The following CLVS1 variants were observed in gnomAD, a reference collection of about 807,000 sequenced individuals.
The protein encoded by CLVS1 is clavesin-1.
CLVS1 carries 10 observed loss-of-function variants against 33.1 expected under a neutral mutation model. The observed-to-expected ratio is 0.30, with a 90% CI of 0.19 to 0.51. The LOEUF (loss-of-function observed/expected upper bound fraction) is 0.51. CLVS1 is among the 20% of genes least tolerant of loss of function. The pLI, the probability that CLVS1 is intolerant of heterozygous loss-of-function variation, is 0.97. For synonymous variants in CLVS1, 163 were observed against 166.1 expected, an observed-to-expected ratio of 0.98 and a Z score of 0.14; for missense variants, 343 against 433.4, an observed-to-expected ratio of 0.79 and a Z score of 1.85.
intron 2 of CLVS1, among the ~76,000 whole-genome samples, chr8:61,188,186 C>T (rs988058725): frequency 6.6e-6 from 1 of 152,098 alleles, no homozygotes; most frequent in African/African-American, 2.4e-5. Flanking sequence ...GTAGACTAAA[C>T]CTCTCATGGC....
intron 2 of CLVS1, among the ~76,000 whole-genome samples, chr8:61,232,032 T>TTG (rs1808451496): frequency 1.4e-5 from 1 of 70,938 alleles, no homozygotes; most frequent in Admixed American, 1.5e-4. Context: ...GGTTTTTTTT[T>TTG]TTTTTTTTTT....
At chr8:61,486,832 A>C (rs980969755) in intron 5 of CLVS1, among the ~76,000 whole-genome samples, 2 of 152,086 alleles carry the variant, frequency 1.3e-5, no homozygotes, top group Admixed American at 1.3e-4. Context: ...CTATGTGTTC[A>C]TTGTCTCTAT....
chr8:61,162,004 AACG>A (rs769736155), intron 2 of CLVS1, among the ~76,000 whole-genome samples: 59,981 of 151,406 alleles, frequency 0.4, 14,770 homozygotes, highest in Middle Eastern at 0.64. Context: ...AAAAAAAAAA[AACG>A]TAGTGTTGAT....
At chr8:61,100,933 T>C (rs920342307) in intron 1 of CLVS1, among the ~76,000 whole-genome samples, 1 of 152,232 alleles carries the variant, frequency 6.6e-6, no homozygotes, top group Non-Finnish European at 1.5e-5. Context: ...TGAATAATAC[T>C]CTATTGTATG....
At chr8:61,362,294 G>A (rs1813017887) in intron 2 of CLVS1, among the ~76,000 whole-genome samples, 1 of 152,204 alleles carries the variant, frequency 6.6e-6, no homozygotes, top group Admixed American at 6.5e-5. Context: ...AATGTTCTAG[G>A]TAGGGAAGAA....
chr8:61,226,658 A>G (rs367873449), intron 2 of CLVS1, among the ~76,000 whole-genome samples: 5 of 152,238 alleles, frequency 3.3e-5, no homozygotes, highest in East Asian at 3.8e-4. Flanking sequence ...GAGTGAATGA[A>G]GAATAATCTT....
chr8:61,178,004 T>C lies in CLVS1; in HGVS notation c.-152+46144T>C, dbSNP rs566337640. On this transcript the variant is annotated intron_variant, in intron 2 of 2. Coordinates refer to the CLVS1 transcript ENST00000522621. ...CTGTATGGAGAATGAGATGGACGAATTGACAGAAGTAGGCTTCAGAAGGTG... is the reference window on the plus strand; with the variant it reads ...CTGTATGGAGAATGAGATGGACGAACTGACAGAAGTAGGCTTCAGAAGGTG... Among the ~76,000 whole-genome samples the C allele has an allele frequency of 2.6e-5, 4 of 152,214 alleles. No individual in the cohort carries two copies. The South Asian group carries it at 8.3e-4, about 32-fold the overall frequency.
At chr8:61,409,753 G>T (rs1275893189) in intron 3 of CLVS1, among the ~76,000 whole-genome samples, 1 of 152,144 alleles carries the variant, frequency 6.6e-6, no homozygotes, top group Admixed American at 6.5e-5. Context: ...ATCCTCTACT[G>T]CCAATCATGT....
At chr8:61,434,068 T>C (rs73685026) in intron 3 of CLVS1, among the ~76,000 whole-genome samples, 3,645 of 152,114 alleles carry the variant, frequency 0.024, 128 homozygotes, top group African/African-American at 0.082. Context: ...CTGCAGGACA[T>C]GAAGCTGAAG....
chr8:61,165,228 G>A (rs910499373), intron 2 of CLVS1, among the ~76,000 whole-genome samples: 1 of 152,218 alleles, frequency 6.6e-6, no homozygotes, highest in East Asian at 1.9e-4. Flanking sequence ...GGAAGTCAGC[G>A]GCGGGTCTGC....
At chr8:61,436,317 C>T (rs1362773691) in intron 3 of CLVS1, among the ~76,000 whole-genome samples, 1 of 152,210 alleles carries the variant, frequency 6.6e-6, no homozygotes, top group Non-Finnish European at 1.5e-5. Context: ...TTTCTACCTT[C>T]CCTTTTACTG....
intron 2 of CLVS1, among the ~76,000 whole-genome samples, chr8:61,340,095 A>AGAAAG (rs1442901310): frequency 5.3e-5 from 8 of 152,036 alleles, no homozygotes; most frequent in African/African-American, 1.9e-4. Flanking sequence ...AGAAAGAAAA[A>AGAAAG]GAAAGAAAAG....
At chr8:61,171,825 C>G (rs376720931) in intron 2 of CLVS1, among the ~76,000 whole-genome samples, 3 of 152,014 alleles carry the variant, frequency 2.0e-5, no homozygotes, top group South Asian at 4.1e-4. Flanking sequence ...ACGATATGGA[C>G]GAGAAATACT....
At chr8:61,398,726 C>T (rs2129603444) in intron 3 of CLVS1, among the ~76,000 whole-genome samples, 2 of 152,144 alleles carry the variant, frequency 1.3e-5, no homozygotes, top group South Asian at 2.1e-4. Context: ...TCCGACAGGC[C>T]CCAGTATGTT....
chr8:61,383,512 T>C (rs73682283), intron 3 of CLVS1, among the ~76,000 whole-genome samples: 6,943 of 152,338 alleles, frequency 0.046, 326 homozygotes, highest in African/African-American at 0.12. Context: ...ACTCTGGTGA[T>C]GCTTGAAGGA....
intron 2 of CLVS1, among the ~76,000 whole-genome samples, chr8:61,248,778 G>A (rs138642998): frequency 2.0e-5 from 3 of 152,036 alleles, no homozygotes; most frequent in African/African-American, 7.2e-5. Flanking sequence ...ACACCCAGAA[G>A]TCCTCTCTTA....
At chr8:61,021,020 G>A in the CLVS1 span, among the ~76,000 whole-genome samples, 1 of 152,176 alleles carries the variant, frequency 6.6e-6, no homozygotes, top group Non-Finnish European at 1.5e-5. Flanking sequence ...AGCCCATGCT[G>A]CACACACTTT....
intron 2 of CLVS1, among the ~76,000 whole-genome samples, chr8:61,250,961 A>G (rs1445821450): frequency 6.6e-6 from 1 of 152,082 alleles, no homozygotes; most frequent in Non-Finnish European, 1.5e-5. Flanking sequence ...GTTGAATAGG[A>G]GTGGTGAGAG....
chr8:61,096,561 A>G (rs1805354218), intron 1 of CLVS1, among the ~76,000 whole-genome samples: 3 of 152,242 alleles, frequency 2.0e-5, no homozygotes. Flanking sequence ...AAATATTTAA[A>G]GCGAAGCCTG....
Sources: gnomAD v4.1 joint callset for allele counts (sites outside exome capture counted in the v4.1 genomes callset) on GRCh38, gnomAD v4.1.1 for gene constraint, MANE v1.5 for transcripts, NCBI Gene and HGNC (gene_info 2026-07-23, HGNC 2026-07-21) for gene names.